The following CCDC77 variants were observed in gnomAD, a reference collection of about 807,000 sequenced individuals.
The protein encoded by CCDC77 is coiled-coil domain containing 77.
In CCDC77, 56 loss-of-function variants were observed where a neutral mutation model predicts 66.8. That is an observed-to-expected ratio of 0.84 (90% CI 0.68 to 1.05). The LOEUF (loss-of-function observed/expected upper bound fraction) is 1.05, where lower values mean the gene tolerates loss of function less well. CCDC77 is among the 50% of genes least tolerant of loss of function. CCDC77 has a pLI of 0.00. For synonymous variants in CCDC77, 196 were observed against 195.2 expected (o/e 1.00, Z -0.03); for missense variants, 570 against 576.8 (o/e 0.99, Z 0.12).
intron 4 of CCDC77, among the ~76,000 whole-genome samples, chr12:416,379 A>ATATATG (rs1945276597): frequency 5.6e-5 from 1 of 17,986 alleles, no homozygotes; most frequent in Non-Finnish European, 9.8e-5. Context: ...GTGTGTGTGT[A>ATATATG]TATATATATA....
At chr12:423,997 G>A (rs1353846492) in intron 5 of CCDC77, among the ~76,000 whole-genome samples, 2 of 151,986 alleles carry the variant, frequency 1.3e-5, no homozygotes, top group Admixed American at 1.3e-4. Context: ...TTTTGTTGTT[G>A]AGACAGGGTC....
At chr12:436,876 C>A in intron 9 of CCDC77, 1 of 357,758 alleles carries the variant, frequency 2.8e-6, no homozygotes, top group Non-Finnish European at 3.9e-6. Flanking sequence ...TATAGTTTCC[C>A]AGTTTGAGAT....
chr12:430,201 T>C (rs4980906), intron 6 of CCDC77, among the ~76,000 whole-genome samples: 42,487 of 151,720 alleles, frequency 0.28, 7,673 homozygotes, highest in Non-Finnish European at 0.41. Flanking sequence ...CCATGTTGGT[T>C]AGGCTGGTCT....
At chr12:415,787 C>T (rs1012373461) in intron 4 of CCDC77, among the ~76,000 whole-genome samples, 4 of 149,404 alleles carry the variant, frequency 2.7e-5, no homozygotes, top group Admixed American at 1.4e-4. Flanking sequence ...CATGTATCAC[C>T]ATGCCCAGCT....
rs147266504 is a variant in CCDC77, at chr12:418,626, C to A, written c.403C>A (p.Leu135Met). The A allele has an allele frequency of 6.8e-6, 11 of 1,613,532 alleles. No homozygotes were observed. In the African/African-American group the frequency reaches 1.1e-4, roughly 16 times the overall value. Residue 135 changes from leucine to methionine, a missense_variant, in exon 5 of 13, where the codon CTG (leucine) becomes ATG (methionine). Transcript: ENST00000239830. ...VLRLYSENDR[L>M]RIRELEDKKK... ...ACGCCTCTACTCAGAAAATGACCGA[C>A]TGAGAATCAGGTACCAAATAGGAGA...
At chr12:420,519 T>G (rs1190834598) in intron 5 of CCDC77, among the ~76,000 whole-genome samples, 1 of 92,864 alleles carries the variant, frequency 1.1e-5, no homozygotes, top group African/African-American at 6.4e-5. Context: ...GCACCCTCCA[T>G]GCTCCATTAC....
intron 2 of CCDC77, among the ~76,000 whole-genome samples, chr12:406,461 A>G (rs747183310): frequency 7.2e-5 from 11 of 152,176 alleles, no homozygotes; most frequent in Non-Finnish European, 1.3e-4. Context: ...GTGAACAAGG[A>G]TAAGAGTAGT....
intron 5 of CCDC77, among the ~76,000 whole-genome samples, chr12:427,530 G>A (rs1449876121): frequency 5.4e-5 from 8 of 148,618 alleles, no homozygotes; most frequent in East Asian, 4.0e-4. Context: ...GCCAGAGTGC[G>A]GTGGTGCAAT....
chr12:429,823 T>C (rs1385085302), intron 6 of CCDC77, among the ~76,000 whole-genome samples: 2 of 152,080 alleles, frequency 1.3e-5, no homozygotes, highest in Non-Finnish European at 2.9e-5. Flanking sequence ...TCTTGGTATG[T>C]TGCCTAGGCT....
chr12:440,525 CCTT>C, intron 10 of CCDC77, 89 bp from the exon 11 acceptor site: 1 of 1,443,130 alleles, frequency 6.9e-7, no homozygotes, highest in South Asian at 1.3e-5. Context: ...TCTGGAAATC[CCTT>C]CTTTTCTTTC....
chr12:409,346 T>C (rs763531689), intron 2 of CCDC77, 22 bp from the exon 3 acceptor site: 2 of 1,589,756 alleles, frequency 1.3e-6, no homozygotes, highest in Non-Finnish European at 1.7e-6. Flanking sequence ...CCCGTAATTA[T>C]GAATTTTTGT....
At chr12:432,940 G>A (rs1391074191) in intron 8 of CCDC77, among the ~76,000 whole-genome samples, 1 of 152,158 alleles carries the variant, frequency 6.6e-6, no homozygotes, top group East Asian at 1.9e-4. Context: ...CTGAGGCAGG[G>A]AGGACTGCTT....
At chr12:406,749 C>G (rs1490416444) in intron 2 of CCDC77, among the ~76,000 whole-genome samples, 3 of 152,146 alleles carry the variant, frequency 2.0e-5, no homozygotes, top group African/African-American at 7.2e-5. Flanking sequence ...GAGTTCAAGA[C>G]CAGCCTGGCC....
rs1477684783 is a variant in CCDC77 at position 442,631 on chromosome 12, T to C, written c.*711T>C. 1 of 152,224 alleles carries C rather than the reference T, an allele frequency of 6.6e-6. No individual in the cohort carries two copies. Among genetic ancestry groups the C allele is most frequent in the Non-Finnish European group, 1.5e-5 (1 of 68,046 alleles). The allele number at this position is 152,224 out of a possible 1,614,324, so 9.4% of individuals were successfully genotyped here. A position where few individuals can be genotyped will look rare whatever the true frequency, so the allele number is the denominator to read the frequency against. On this transcript the variant is annotated 3_prime_UTR_variant, in exon 13 of 13. Coordinates refer to ENST00000239830, the MANE Select transcript of CCDC77 (RefSeq NM_032358.4). ...TAAATTAACTATTTTCAATAAAATA[T>C]TTCACTCAAAAGATTTTCTTTGAGT...
rs1019055817 is a variant in CCDC77 at position 415,302 on chromosome 12, CAT to C, written c.271-3190_271-3189del. On this transcript the variant is annotated intron_variant, in intron 4 of 12. Transcript: ENST00000239830. The stretch of plus-strand genomic sequence containing the variant: ...CATAATATTATGTTAATATAATCAA[CAT>C]AATATTATGTTAATATAATCAACAT... Among the ~76,000 whole-genome samples the C allele has an allele frequency of 2.1e-4, 27 of 125,960 alleles. 8 individuals are homozygous for C. The East Asian group carries it at 3.0e-3, about 14-fold the overall frequency. The allele number at this position is 125,960 out of a possible 152,430, so 82.6% of individuals were successfully genotyped here.
intron 1 of CCDC77, among the ~76,000 whole-genome samples, chr12:392,509 C>A (rs1158294193): frequency 6.6e-6 from 1 of 152,006 alleles, no homozygotes. Context: ...TTTGGGAGGC[C>A]GAGGCGGGCA....
chr12:428,674 T>TAA (rs763812250), intron 5 of CCDC77, 95 bp from the exon 6 acceptor site: 49 of 691,618 alleles, frequency 7.1e-5, no homozygotes, highest in Non-Finnish European at 8.1e-5. Context: ...TACAATTGTT[T>TAA]TAAAAAAAAA....
intron 4 of CCDC77, among the ~76,000 whole-genome samples, chr12:412,945 C>CA (rs1945142385): frequency 6.8e-6 from 1 of 147,490 alleles, no homozygotes; most frequent in South Asian, 2.1e-4. Flanking sequence ...GGTTGCTTTT[C>CA]TTTTTTTTTT....
chr12:434,375 CTAAG>C (rs1040361856), intron 9 of CCDC77, among the ~76,000 whole-genome samples: 1 of 142,504 alleles, frequency 7.0e-6, no homozygotes, highest in Non-Finnish European at 1.5e-5. Context: ...TTTTTGGAGA[CTAAG>C]TCTCACTCTG....
Sources: allele counts gnomAD v4.1 joint callset (sites outside exome capture counted in the v4.1 genomes callset), GRCh38; gene constraint gnomAD v4.1.1; transcripts MANE v1.5; gene names NCBI Gene and HGNC (gene_info 2026-07-23, HGNC 2026-07-21).